Variants in C8orf34 observed in about 807,000 individuals in gnomAD.
C8orf34 encodes chromosome 8 open reading frame 34, also known as uncharacterized protein C8orf34.
In C8orf34, 65 loss-of-function variants were observed where a neutral mutation model predicts 68.3. That is an observed-to-expected ratio of 0.95 (90% CI 0.78 to 1.17). The LOEUF is 1.17. C8orf34 is among the 50% of genes most tolerant of loss of function. The probability of loss-of-function intolerance (pLI) is 0.00; values close to 1 mark genes in which losing one functional copy is unlikely to be tolerated. For synonymous variants in C8orf34, 244 were observed against 241.2 expected (o/e 1.01, Z -0.11); for missense variants, 664 against 655.4 (o/e 1.01, Z -0.14).
At chr8:68,808,151 A>G (rs1018134365) in intron 12 of C8orf34, among the ~76,000 whole-genome samples, 3 of 152,172 alleles carry the variant, frequency 2.0e-5, no homozygotes, top group Non-Finnish European at 4.4e-5. Context: ...TTAATACTTT[A>G]CTGCTTTGAT....
intron 8 of C8orf34, among the ~76,000 whole-genome samples, chr8:68,657,680 C>T (rs983310822): frequency 1.3e-5 from 2 of 152,256 alleles, no homozygotes; most frequent in Admixed American, 6.5e-5. Context: ...TGTTTACTTT[C>T]TCACTGTTAT....
chr8:68,419,435 C>G (rs1217754865), intron 1 of C8orf34, among the ~76,000 whole-genome samples: 1 of 150,508 alleles, frequency 6.6e-6, no homozygotes, highest in African/African-American at 2.5e-5. Context: ...CCTCAGGGAT[C>G]TAGAACTAGA....
chr8:68,803,867 T>G (rs975157933), intron 12 of C8orf34, among the ~76,000 whole-genome samples: 15 of 152,104 alleles, frequency 9.9e-5, no homozygotes, highest in African/African-American at 2.7e-4. Flanking sequence ...CATATTACAT[T>G]TCACAAATTA....
chr8:68,623,699 G>T (rs900050074), intron 7 of C8orf34, among the ~76,000 whole-genome samples: 1 of 152,070 alleles, frequency 6.6e-6, no homozygotes, highest in African/African-American at 2.4e-5. Flanking sequence ...CCCTCTTCTG[G>T]GTTGTGGACC....
intron 1 of C8orf34, among the ~76,000 whole-genome samples, chr8:68,361,133 A>G (rs1806977119): frequency 6.6e-6 from 1 of 152,088 alleles, no homozygotes; most frequent in African/African-American, 2.4e-5. Context: ...GCAGAGGGTT[A>G]ATTGTGGAGT....
intron 7 of C8orf34, among the ~76,000 whole-genome samples, chr8:68,599,361 G>T (rs1403617598): frequency 1.3e-5 from 2 of 151,990 alleles, no homozygotes; most frequent in East Asian, 3.9e-4. Context: ...CTAAGGAGTT[G>T]CTAAAATTTG....
chr8:68,480,478 C>A (rs1044218810), intron 4 of C8orf34, among the ~76,000 whole-genome samples: 1 of 152,118 alleles, frequency 6.6e-6, no homozygotes, highest in African/African-American at 2.4e-5. Context: ...AATGTTGAAG[C>A]AACTTTGGAA....
At chr8:68,589,584 A>T (rs1327753605) in intron 7 of C8orf34, among the ~76,000 whole-genome samples, 1 of 104,144 alleles carries the variant, frequency 9.6e-6, no homozygotes, top group Non-Finnish European at 2.1e-5. Context: ...GGGGGAAGGA[A>T]GGATGAAGGA....
intron 4 of C8orf34, among the ~76,000 whole-genome samples, chr8:68,469,672 A>G (rs1812296207): frequency 6.6e-6 from 1 of 152,024 alleles, no homozygotes; most frequent in African/African-American, 2.4e-5. Context: ...TTAGAAGCAC[A>G]TTAATGCCAT....
intron 3 of C8orf34, chr8:68,447,476 G>C (rs1265725699): frequency 2.0e-5 from 3 of 152,134 alleles, no homozygotes; most frequent in Non-Finnish European, 4.4e-5. Context: ...AAAATCTCAG[G>C]AGCCTCTAGC....
Position 68,331,139 on chromosome 8 carries a change from A to C in C8orf34, c.127A>C (p.Ser43Arg). 6.6e-7 allele frequency: 1 copy of C among 1,520,612 alleles called. No homozygotes were observed. Among genetic ancestry groups the C allele is most frequent in the Non-Finnish European group, 8.8e-7 (1 of 1,138,504 alleles). 94.2% of individuals were successfully genotyped at this position (1,520,612 alleles called of 1,614,324 possible). A position where few individuals can be genotyped will look rare whatever the true frequency, so the allele number is the denominator to read the frequency against. Residue 43 changes from serine to arginine, a missense_variant, in exon 1 of 14, where the codon AGC (serine) becomes CGC (arginine). Coordinates refer to ENST00000518698, the MANE Select transcript of C8orf34 (RefSeq NM_052958.4). ...ATHARGRGRA[S>R]HAGQPRLRSS... ...CCACGCCCGCGGCCGGGGCCGAGCC[A>C]GCCACGCAGGGCAGCCGAGGCTCCG... is the stretch of plus-strand genomic sequence containing the variant.
intron 7 of C8orf34, among the ~76,000 whole-genome samples, chr8:68,577,271 A>G (rs1445736977): frequency 6.6e-6 from 1 of 151,994 alleles, no homozygotes. Flanking sequence ...TCTGATTCAT[A>G]CATATATTCA....
At chr8:68,483,543 ACCTAAT>A (rs1191052913) in intron 4 of C8orf34, among the ~76,000 whole-genome samples, 2 of 152,122 alleles carry the variant, frequency 1.3e-5, no homozygotes. Flanking sequence ...GGTTGTTTTG[ACCTAAT>A]GGCAGGATTT....
chr8:68,663,564 C>G (rs754793278), intron 8 of C8orf34, among the ~76,000 whole-genome samples: 1 of 152,140 alleles, frequency 6.6e-6, no homozygotes, highest in Non-Finnish European at 1.5e-5. Flanking sequence ...ATCACCTTGA[C>G]ATCAGTGCCT....
intron 10 of C8orf34, among the ~76,000 whole-genome samples, chr8:68,769,770 T>A (rs1454379083): frequency 6.6e-6 from 1 of 152,220 alleles, no homozygotes; most frequent in Non-Finnish European, 1.5e-5. Context: ...ACTTTTTATC[T>A]ATATTGCCAG....
At chr8:68,680,307 A>G (rs1158461755) in intron 8 of C8orf34, among the ~76,000 whole-genome samples, 1 of 152,242 alleles carries the variant, frequency 6.6e-6, no homozygotes, top group Non-Finnish European at 1.5e-5. Context: ...CAAGCATATG[A>G]AAAAGTGCTT....
intron 1 of C8orf34, 117 bp downstream of exon 1, chr8:68,331,456 G>A (rs1050942479): frequency 8.9e-7 from 1 of 1,120,110 alleles, no homozygotes; most frequent in East Asian, 2.6e-5. Flanking sequence ...GAACCAACGC[G>A]CGGGAGAGGG....
At chr8:68,400,925 T>G (rs575380718) in intron 1 of C8orf34, among the ~76,000 whole-genome samples, 95 of 152,294 alleles carry the variant, frequency 6.2e-4, no homozygotes, top group Admixed American at 2.0e-3. Context: ...ATGATGTTGG[T>G]GTTTTCATAG....
intron 2 of C8orf34, among the ~76,000 whole-genome samples, chr8:68,445,419 T>C (rs1300432460): frequency 1.3e-5 from 2 of 152,130 alleles, no homozygotes; most frequent in African/African-American, 4.8e-5. Context: ...GAAAGAGTTA[T>C]CAGGTGATAT....
Sources: allele counts gnomAD v4.1 joint callset (sites outside exome capture counted in the v4.1 genomes callset), GRCh38; gene constraint gnomAD v4.1.1; transcripts MANE v1.5; gene names NCBI Gene and HGNC (gene_info 2026-07-23, HGNC 2026-07-21).